Variants in IL1RAPL2 observed in about 807,000 individuals in gnomAD.
IL1RAPL2 encodes interleukin 1 receptor accessory protein like 2.
In IL1RAPL2, 3 loss-of-function variants were observed where a neutral mutation model predicts 44.1. The observed-to-expected ratio is 0.07, with a 90% CI of 0.03 to 0.18. IL1RAPL2 has a LOEUF of 0.18. IL1RAPL2 is among the 10% of genes least tolerant of loss of function. IL1RAPL2 has a pLI of 1.00. For missense variants in IL1RAPL2, 391 were observed against 496.4 expected, an observed-to-expected ratio of 0.79 and a Z score of 2.02; for synonymous variants, 181 against 178.8, an observed-to-expected ratio of 1.01 and a Z score of -0.10.
intron 2 of IL1RAPL2, among the ~76,000 whole-genome samples, chrX:104,942,587 AT>A (rs2147703560): frequency 9.0e-6 from 1 of 111,304 alleles, no homozygotes; most frequent in African/African-American, 3.3e-5. Context: ...GCTTCAGGAG[AT>A]TTTGGGCTTA....
intron 1 of IL1RAPL2, among the ~76,000 whole-genome samples, chrX:104,615,526 G>A (rs1929253772): frequency 9.0e-6 from 1 of 110,740 alleles, no homozygotes; most frequent in Non-Finnish European, 1.9e-5. Flanking sequence ...ATGGCTTCCA[G>A]CTCCATCCAT....
At chrX:105,568,902 A>T (rs1364410232) in intron 6 of IL1RAPL2, among the ~76,000 whole-genome samples, 1 of 111,955 alleles carries the variant, frequency 8.9e-6, no homozygotes, top group East Asian at 2.8e-4. Context: ...TAGCATCTAG[A>T]GCTCTTGCAG....
chrX:104,949,997 C>G (rs1236774972), intron 2 of IL1RAPL2, among the ~76,000 whole-genome samples: 1 of 111,082 alleles, frequency 9.0e-6, no homozygotes, highest in Non-Finnish European at 1.9e-5. Flanking sequence ...TCTCGTTGAT[C>G]TGTCTAATGT....
intron 2 of IL1RAPL2, among the ~76,000 whole-genome samples, chrX:104,906,365 G>A (rs1158332028): frequency 5.4e-5 from 6 of 110,502 alleles, no homozygotes; most frequent in African/African-American, 2.0e-4. Context: ...GTGAGAGAGG[G>A]CATCCCTGTC....
At chrX:105,163,581 A>G (rs769737863) in intron 2 of IL1RAPL2, among the ~76,000 whole-genome samples, 4 of 112,008 alleles carry the variant, frequency 3.6e-5, no homozygotes. Context: ...TATCTCTGCT[A>G]ATATGTCGTG....
intron 3 of IL1RAPL2, among the ~76,000 whole-genome samples, chrX:105,227,569 G>A (rs1556191032): frequency 1.8e-5 from 2 of 111,587 alleles, no homozygotes; most frequent in African/African-American, 6.5e-5. Context: ...CTTATATTAG[G>A]TTTACATCTG....
Position 105,377,482 on chromosome X carries a change from C to T in IL1RAPL2, c.698-106831C>T, listed in dbSNP as rs538228279. Among the ~76,000 whole-genome samples, 9 of 109,992 alleles carry T rather than the reference C, an allele frequency of 8.2e-5. 1 individual carries two copies. In the South Asian group the frequency reaches 3.5e-3, roughly 42 times the overall value. The stretch of plus-strand genomic sequence containing the variant: ...TCTATACCTAAATTTGCCAAACAGA[C>T]TGGATTTCCTGTTTGTTAATCTGAT... On this transcript the variant is annotated intron_variant, in intron 5 of 10. Coordinates refer to ENST00000372582, the MANE Select transcript of IL1RAPL2 (RefSeq NM_017416.2).
At chrX:105,357,032 C>A (rs1602374327) in intron 5 of IL1RAPL2, among the ~76,000 whole-genome samples, 1 of 111,555 alleles carries the variant, frequency 9.0e-6, no homozygotes, top group Non-Finnish European at 1.9e-5. Flanking sequence ...CCACACTATG[C>A]AGACTATAAA....
At chrX:105,001,266 C>G (rs1371402697) in intron 2 of IL1RAPL2, among the ~76,000 whole-genome samples, 1 of 111,073 alleles carries the variant, frequency 9.0e-6, no homozygotes, top group East Asian at 2.9e-4. Context: ...ATGCCAACTA[C>G]CTATCTGATT....
chrX:105,739,846 T>C (rs2038483749), intron 7 of IL1RAPL2, among the ~76,000 whole-genome samples: 1 of 100,724 alleles, frequency 9.9e-6, no homozygotes, highest in Admixed American at 1.1e-4. Context: ...TGATTTATAG[T>C]CCTTTGGGTA....
At chrX:104,878,884 C>T (rs1440436613) in intron 2 of IL1RAPL2, among the ~76,000 whole-genome samples, 2 of 109,904 alleles carry the variant, frequency 1.8e-5, no homozygotes, top group African/African-American at 3.3e-5. Context: ...GTTTCGAAAA[C>T]GTGAGGACCC....
chrX:104,891,733 T>C (rs935890641), intron 2 of IL1RAPL2, among the ~76,000 whole-genome samples: 3 of 111,954 alleles, frequency 2.7e-5, no homozygotes, highest in African/African-American at 9.7e-5. Context: ...AATCATATCA[T>C]CTGCAAACAA....
chrX:105,209,843 G>T (rs782697711), intron 3 of IL1RAPL2, among the ~76,000 whole-genome samples: 1 of 111,457 alleles, frequency 9.0e-6, no homozygotes, highest in South Asian at 3.8e-4. Context: ...GAAAAAAAAA[G>T]TTATGAAAAC....
At chrX:105,323,122 T>C (rs1008625013) in intron 5 of IL1RAPL2, among the ~76,000 whole-genome samples, 3 of 111,997 alleles carry the variant, frequency 2.7e-5, no homozygotes, top group Non-Finnish European at 5.6e-5. Flanking sequence ...CAAATACTTA[T>C]TTCTGAAAGA....
In IL1RAPL2 at chrX:104,566,294, C is replaced by A. The variant is rs961052356; in HGVS notation, c.-777C>A. On this transcript the variant is annotated 5_prime_UTR_variant, in exon 1 of 11. Coordinates refer to ENST00000372582, the MANE Select transcript of IL1RAPL2 (RefSeq NM_017416.2). Reference sequence around the variant, plus strand: ...CCGCACTCCAGGCATATTTTGGAGGCGGCAGCAGCGGTGGCAGGATGTGAG... The same window carrying A: ...CCGCACTCCAGGCATATTTTGGAGGAGGCAGCAGCGGTGGCAGGATGTGAG... 1 of 112,738 alleles carries A rather than the reference C, an allele frequency of 8.9e-6. No individual in the cohort carries two copies. Among genetic ancestry groups the A allele is most frequent in the Non-Finnish European group, 1.9e-5 (1 of 53,328 alleles). The allele number at this position is 112,738 out of a possible 1,213,427, so 9.3% of individuals were successfully genotyped here.
chrX:105,675,531 A>C (rs1465395763), intron 6 of IL1RAPL2, among the ~76,000 whole-genome samples: 4 of 111,943 alleles, frequency 3.6e-5, no homozygotes, highest in Admixed American at 1.9e-4. Flanking sequence ...GTGGTGGATA[A>C]GTTTCATGAT....
At chrX:105,136,966 C>T (rs2033081648) in intron 2 of IL1RAPL2, among the ~76,000 whole-genome samples, 1 of 112,213 alleles carries the variant, frequency 8.9e-6, no homozygotes, top group South Asian at 3.7e-4. Flanking sequence ...TGGATAAAGT[C>T]ATTTCCCTAT....
chrX:104,821,136 A>G (rs1008163857), intron 2 of IL1RAPL2, among the ~76,000 whole-genome samples: 1 of 112,333 alleles, frequency 8.9e-6, no homozygotes, highest in African/African-American at 3.2e-5. Flanking sequence ...AACAATTAAT[A>G]TGACAACTTG....
At chrX:104,847,447 G>A (rs1922086165) in intron 2 of IL1RAPL2, among the ~76,000 whole-genome samples, 1 of 111,369 alleles carries the variant, frequency 9.0e-6, no homozygotes, top group South Asian at 3.8e-4. Flanking sequence ...TGTTAAATAG[G>A]GAATCCTTTC....
Sources: allele counts gnomAD v4.1 joint callset (sites outside exome capture counted in the v4.1 genomes callset), GRCh38; gene constraint gnomAD v4.1.1; transcripts MANE v1.5; gene names NCBI Gene and HGNC (gene_info 2026-07-23, HGNC 2026-07-21).